CFDP1: variants seen among roughly 807,000 people sequenced by gnomAD.
CFDP1 encodes the protein chromatin remodeling protein CFDP1.
In CFDP1, 31 loss-of-function variants were observed where a neutral mutation model predicts 40.1. The observed-to-expected ratio is 0.77, with a 90% CI of 0.58 to 1.04. The LOEUF is 1.04. CFDP1 is among the 50% of genes least tolerant of loss of function. CFDP1 has a pLI of 0.00. For missense variants in CFDP1, 423 were observed against 343.4 expected (o/e 1.23, Z -1.83); for synonymous variants, 167 against 120.0 (o/e 1.39, Z -2.56).
At chr16:75,346,264 C>A (rs976984902) in intron 5 of CFDP1, among the ~76,000 whole-genome samples, 2 of 152,050 alleles carry the variant, frequency 1.3e-5, no homozygotes, top group African/African-American at 4.8e-5. Context: ...CTGAAGTTCT[C>A]TAGGGGTAAA....
intron 5 of CFDP1, among the ~76,000 whole-genome samples, chr16:75,365,659 C>A (rs1050621034): frequency 6.6e-6 from 1 of 152,250 alleles, no homozygotes; most frequent in South Asian, 2.1e-4. Flanking sequence ...TCACTTGAGG[C>A]CGCTGTGCCT....
intron 5 of CFDP1, among the ~76,000 whole-genome samples, chr16:75,305,699 T>A (rs536022898): frequency 9.8e-5 from 15 of 152,334 alleles, no homozygotes; most frequent in East Asian, 9.6e-4. Context: ...TGAGTCACTG[T>A]CATCGTTTAA....
chr16:75,392,257 T>C (rs1053517340), intron 5 of CFDP1, among the ~76,000 whole-genome samples: 2 of 151,080 alleles, frequency 1.3e-5, no homozygotes, highest in Non-Finnish European at 3.0e-5. Flanking sequence ...TACAAAAAAT[T>C]AGCCAGGCGT....
intron 5 of CFDP1, among the ~76,000 whole-genome samples, chr16:75,348,739 T>C (rs1340413642): frequency 6.6e-6 from 1 of 152,212 alleles, no homozygotes; most frequent in Admixed American, 6.5e-5. Flanking sequence ...GAACATTAAA[T>C]GTCTTTACTC....
chr16:75,398,494 C>T (rs2079017589), intron 4 of CFDP1, among the ~76,000 whole-genome samples: 1 of 152,168 alleles, frequency 6.6e-6, no homozygotes, highest in Non-Finnish European at 1.5e-5. Context: ...ACATGACTTC[C>T]ACAGGCTAGC....
chr16:75,361,076 C>G (rs2078676522), intron 5 of CFDP1, among the ~76,000 whole-genome samples: 1 of 152,202 alleles, frequency 6.6e-6, no homozygotes, highest in East Asian at 1.9e-4. Flanking sequence ...GTGGCGTGAT[C>G]TTGGCTTACT....
intron 5 of CFDP1, among the ~76,000 whole-genome samples, chr16:75,354,752 C>A (rs2078635696): frequency 6.6e-6 from 1 of 152,140 alleles, no homozygotes; most frequent in Non-Finnish European, 1.5e-5. Flanking sequence ...CAACTGGATC[C>A]TGGAATAAGA....
At chr16:75,349,829 G>T (rs7202083) in intron 5 of CFDP1, among the ~76,000 whole-genome samples, 133,190 of 150,194 alleles carry the variant, frequency 0.89, 59,113 homozygotes, top group East Asian at 0.92. Flanking sequence ...ATACCATCTG[G>T]GAATAGTTCA....
chr16:75,304,933 G>A lies in CFDP1; in HGVS notation c.809+91C>T, dbSNP rs568140256. On this transcript the variant is annotated intron_variant, in intron 6 of 6. Coordinates refer to ENST00000283882, the MANE Select transcript of CFDP1 (RefSeq NM_006324.3). Reference sequence around the variant, plus strand: ...TTTAGTTCCATCATGAAAAGCTCCTGCTTGCTTACAGTGGGCAGTTTGTCT... The same window carrying A: ...TTTAGTTCCATCATGAAAAGCTCCTACTTGCTTACAGTGGGCAGTTTGTCT... 37 of 1,329,450 alleles carry A rather than the reference G, an allele frequency of 2.8e-5. No individual in the cohort carries two copies. The African/African-American group carries it at 4.5e-4, about 16-fold the overall frequency. 82.4% of individuals were successfully genotyped at this position (1,329,450 alleles called of 1,614,324 possible). A position where few individuals can be genotyped will look rare whatever the true frequency, so the allele number is the denominator to read the frequency against.
chr16:75,356,852 G>A (rs558897032), intron 5 of CFDP1, among the ~76,000 whole-genome samples: 69 of 151,112 alleles, frequency 4.6e-4, no homozygotes, highest in Non-Finnish European at 8.7e-4. Context: ...TGCAGCTTCC[G>A]CATCAGAACT....
intron 5 of CFDP1, among the ~76,000 whole-genome samples, chr16:75,340,069 A>G (rs1187498418): frequency 6.6e-6 from 1 of 152,238 alleles, no homozygotes; most frequent in Non-Finnish European, 1.5e-5. Flanking sequence ...TTACTGAAAT[A>G]GTAATTTTAA....
rs937782661 is a variant in CFDP1, at chr16:75,394,980, A to C, written c.650+110T>G. 9 of 1,335,176 alleles carry C rather than the reference A, an allele frequency of 6.7e-6. No individual in the cohort carries two copies. The African/African-American group carries it at 1.3e-4, about 19-fold the overall frequency. The allele number at this position is 1,335,176 out of a possible 1,614,324, so 82.7% of individuals were successfully genotyped here. ...ATTGCAGCAAAGGCAAAGCAGCATC[A>C]TAATTCTCTCTCTCAGGCAAGGAGT... is the stretch of plus-strand genomic sequence containing the variant. On this transcript the variant is annotated intron_variant, in intron 5 of 6. Transcript: ENST00000283882.
At chr16:75,410,083 A>C (rs2079144981) in intron 4 of CFDP1, among the ~76,000 whole-genome samples, 1 of 149,088 alleles carries the variant, frequency 6.7e-6, no homozygotes, top group Admixed American at 6.6e-5. Context: ...AAAAAAAAAA[A>C]AAACCCAAAA....
intron 1 of CFDP1, among the ~76,000 whole-genome samples, chr16:75,418,038 G>C (rs1481389654): frequency 2.0e-5 from 3 of 151,886 alleles, no homozygotes; most frequent in Non-Finnish European, 2.9e-5. Flanking sequence ...TGTATCACCT[G>C]AGGCCAGGAG....
intron 6 of CFDP1, among the ~76,000 whole-genome samples, chr16:75,303,757 T>C (rs1028904291): frequency 6.6e-6 from 1 of 152,174 alleles, no homozygotes; most frequent in Non-Finnish European, 1.5e-5. Flanking sequence ...ACGTAAGCAA[T>C]ACATATATTA....
At chr16:75,296,835 C>A (rs1246250173) in intron 6 of CFDP1, among the ~76,000 whole-genome samples, 3 of 152,228 alleles carry the variant, frequency 2.0e-5, no homozygotes, top group Non-Finnish European at 4.4e-5. Flanking sequence ...CAGCTGCTAA[C>A]AGGATGCCTG....
chr16:75,368,226 C>A (rs984120041), intron 5 of CFDP1, among the ~76,000 whole-genome samples: 1 of 152,172 alleles, frequency 6.6e-6, no homozygotes, highest in Non-Finnish European at 1.5e-5. Flanking sequence ...TGACTAAATA[C>A]TGGATATCAA....
At chr16:75,431,446 T>C (rs1359097893) in intron 1 of CFDP1, among the ~76,000 whole-genome samples, 4 of 84,574 alleles carry the variant, frequency 4.7e-5, no homozygotes, top group Non-Finnish European at 8.6e-5. Flanking sequence ...AGAGCAAAAC[T>C]CTTGTCTCAA....
chr16:75,320,552 C>T (rs1434348432), intron 5 of CFDP1, among the ~76,000 whole-genome samples: 1 of 152,174 alleles, frequency 6.6e-6, no homozygotes, highest in Non-Finnish European at 1.5e-5. Context: ...CTTGGCATCA[C>T]GATCTCCCTG....
Sources: allele counts gnomAD v4.1 joint callset (sites outside exome capture counted in the v4.1 genomes callset), GRCh38; gene constraint gnomAD v4.1.1; transcripts MANE v1.5; gene names NCBI Gene and HGNC (gene_info 2026-07-23, HGNC 2026-07-21).